THSD7B: variants seen among roughly 807,000 people sequenced by gnomAD.
THSD7B encodes the protein thrombospondin type-1 domain-containing protein 7B.
THSD7B carries 138 observed loss-of-function variants against 213.6 expected under a neutral mutation model. The ratio of observed to expected loss-of-function variants is 0.65; its 90% CI spans 0.56 to 0.74. THSD7B has a LOEUF of 0.74. Among genes scored for constraint, THSD7B ranks in the 30% least tolerant of loss-of-function variants. The pLI is 0.00. For missense variants in THSD7B, 1,931 were observed against 1,991.5 expected, an observed-to-expected ratio of 0.97 and a Z score of 0.58; for synonymous variants, 742 against 687.0, an observed-to-expected ratio of 1.08 and a Z score of -1.25.
chr2:137,180,862 C>T (rs980865034), intron 7 of THSD7B, among the ~76,000 whole-genome samples: 19 of 152,192 alleles, frequency 1.2e-4, no homozygotes, highest in African/African-American at 4.6e-4. Context: ...TAAAGTCCAA[C>T]TTGGCCTGAG....
At chr2:137,131,402 T>C (rs1000267672) in intron 5 of THSD7B, among the ~76,000 whole-genome samples, 1 of 152,178 alleles carries the variant, frequency 6.6e-6, no homozygotes, top group African/African-American at 2.4e-5. Flanking sequence ...CATTTGTCAA[T>C]GTTGGCTTTT....
chr2:137,313,439 G>A (rs1347408260), intron 12 of THSD7B, among the ~76,000 whole-genome samples: 1 of 122,684 alleles, frequency 8.2e-6, no homozygotes, highest in Non-Finnish European at 1.9e-5. Flanking sequence ...ACAGCACACT[G>A]ATGGTCTTGA....
chr2:136,781,468 C>CA (rs1558803102), intron 1 of THSD7B, among the ~76,000 whole-genome samples: 1 of 151,304 alleles, frequency 6.6e-6, no homozygotes, highest in South Asian at 2.1e-4. Context: ...GACACGGTTT[C>CA]ACCATGTTGG....
intron 2 of THSD7B, among the ~76,000 whole-genome samples, chr2:137,016,053 T>C (rs1686333765): frequency 6.6e-6 from 1 of 152,192 alleles, no homozygotes; most frequent in African/African-American, 2.4e-5. Context: ...CACTAACATT[T>C]GTTCAGTGCT....
chr2:137,346,484 C>T (rs1001937354), intron 12 of THSD7B, among the ~76,000 whole-genome samples: 2 of 147,870 alleles, frequency 1.4e-5, no homozygotes, highest in Non-Finnish European at 3.0e-5. Flanking sequence ...TCCATTCTCT[C>T]TCTCTCTCTC....
chr2:137,043,933 G>C (rs1234644182), intron 2 of THSD7B, among the ~76,000 whole-genome samples: 3 of 152,134 alleles, frequency 2.0e-5, no homozygotes, highest in Non-Finnish European at 4.4e-5. Context: ...CCACACTGAA[G>C]GTGAGTACTA....
intron 14 of THSD7B, among the ~76,000 whole-genome samples, chr2:137,431,463 T>C (rs1193906199): frequency 6.6e-6 from 1 of 152,200 alleles, no homozygotes; most frequent in African/African-American, 2.4e-5. Flanking sequence ...GAAAAAGATC[T>C]AGCTATGTTA....
intron 2 of THSD7B, among the ~76,000 whole-genome samples, chr2:136,977,812 T>TGTTTTG (rs1324053746): frequency 2.0e-5 from 3 of 150,650 alleles, no homozygotes; most frequent in African/African-American, 7.3e-5. Flanking sequence ...TTTTTTTTTT[T>TGTTTTG]TTTTTTTTTT....
chr2:137,013,165 C>A (rs1686262055), intron 2 of THSD7B, among the ~76,000 whole-genome samples: 1 of 152,134 alleles, frequency 6.6e-6, no homozygotes, highest in Admixed American at 6.5e-5. Flanking sequence ...ATGCAGACTT[C>A]CACTTCTGGC....
intron 12 of THSD7B, among the ~76,000 whole-genome samples, chr2:137,317,983 T>C (rs1471328010): frequency 1.3e-5 from 2 of 152,146 alleles, no homozygotes; most frequent in African/African-American, 4.8e-5. Context: ...GCTATTCCTG[T>C]TTGAGTTCTA....
intron 15 of THSD7B, among the ~76,000 whole-genome samples, chr2:137,466,040 A>G (rs184266189): frequency 4.6e-5 from 7 of 152,260 alleles, no homozygotes; most frequent in Non-Finnish European, 5.9e-5. Context: ...TAAATATTAT[A>G]TGTGTATCCT....
intron 6 of THSD7B, among the ~76,000 whole-genome samples, chr2:137,169,645 G>T (rs1573865271): frequency 6.6e-6 from 1 of 152,062 alleles, no homozygotes; most frequent in Non-Finnish European, 1.5e-5. Flanking sequence ...TGTTGGTTTT[G>T]TTAAAAGAAA....
chr2:137,391,339 A>ATCT (rs1686021726), intron 12 of THSD7B, among the ~76,000 whole-genome samples: 1 of 150,422 alleles, frequency 6.6e-6, no homozygotes, highest in African/African-American at 2.5e-5. Flanking sequence ...GTTTATTTGG[A>ATCT]TCTTCTTTCT....
chr2:137,524,840 T>A (rs1680250561), intron 15 of THSD7B, among the ~76,000 whole-genome samples: 1 of 152,190 alleles, frequency 6.6e-6, no homozygotes, highest in South Asian at 2.1e-4. Context: ...GTGGTGGATA[T>A]CAGACATTCA....
chr2:137,571,984 A>G, intron 16 of THSD7B, among the ~76,000 whole-genome samples: 1 of 152,210 alleles, frequency 6.6e-6, no homozygotes, highest in East Asian at 1.9e-4. Context: ...GGTTTAAGAA[A>G]GCCACAGGAA....
intron 2 of THSD7B, among the ~76,000 whole-genome samples, chr2:136,954,512 C>T (rs1042206184): frequency 6.6e-6 from 1 of 151,846 alleles, no homozygotes; most frequent in African/African-American, 2.4e-5. Flanking sequence ...GTCAGGAGAT[C>T]GAGACCATCC....
At chr2:137,641,233 C>T (rs913614679) in intron 20 of THSD7B, among the ~76,000 whole-genome samples, 2 of 152,210 alleles carry the variant, frequency 1.3e-5, no homozygotes, top group Non-Finnish European at 2.9e-5. Context: ...TCCAGCTGCA[C>T]TGGCTTCTGT....
intron 3 of THSD7B, among the ~76,000 whole-genome samples, chr2:137,072,728 T>C (rs1314165388): frequency 6.6e-6 from 1 of 152,208 alleles, no homozygotes; most frequent in Non-Finnish European, 1.5e-5. Flanking sequence ...CAGTATGATA[T>C]TGGCTGTGGG....
intron 15 of THSD7B, among the ~76,000 whole-genome samples, chr2:137,536,057 T>A (rs1558830681): frequency 6.7e-6 from 1 of 149,970 alleles, no homozygotes; most frequent in Non-Finnish European, 1.5e-5. Flanking sequence ...TGAGTCACTC[T>A]CCTACTCAAA....
Sources: allele counts gnomAD v4.1 joint callset (sites outside exome capture counted in the v4.1 genomes callset), GRCh38; gene constraint gnomAD v4.1.1; transcripts MANE v1.5; gene names NCBI Gene and HGNC (gene_info 2026-07-23, HGNC 2026-07-21).